The following TSPAN10 variants were observed in gnomAD, a reference collection of about 807,000 sequenced individuals.
TSPAN10 encodes the protein tetraspanin-10.
Under a neutral mutation model 15.0 loss-of-function variants are expected in TSPAN10, and 11 were observed. The ratio of observed to expected loss-of-function variants is 0.73; its 90% confidence interval spans 0.46 to 1.21. TSPAN10 has a LOEUF of 1.21. TSPAN10 is among the 50% of genes most tolerant of loss of function. The probability of loss-of-function intolerance (pLI) is 0.00; values close to 1 mark genes in which losing one functional copy is unlikely to be tolerated. For synonymous variants in TSPAN10, 241 were observed against 226.2 expected (o/e 1.07, Z -0.59); for missense variants, 486 against 470.6 (o/e 1.03, Z -0.30).
upstream of TSPAN10, among the ~76,000 whole-genome samples, chr17:81,640,063 G>T (rs986270672): frequency 6.6e-6 from 1 of 151,400 alleles, no homozygotes; most frequent in African/African-American, 2.4e-5. Context: ...GCTCACTGTA[G>T]CCTCGACTTC....
intron 2 of TSPAN10, chr17:81,646,039 G>A (rs1489210687): frequency 9.9e-6 from 3 of 303,394 alleles, no homozygotes; most frequent in South Asian, 3.2e-5. Flanking sequence ...TGTTCCCCCC[G>A]CCAGGGCCAG....
upstream of TSPAN10, among the ~76,000 whole-genome samples, chr17:81,639,528 T>C (rs969017110): frequency 2.6e-5 from 4 of 151,886 alleles, no homozygotes; most frequent in African/African-American, 9.7e-5. Context: ...CTAACAGTCC[T>C]GGAAGCTAGA....
intron 1 of TSPAN10, among the ~76,000 whole-genome samples, chr17:81,643,831 G>T (rs12940347): frequency 0.5 from 76,219 of 151,196 alleles, 21,073 homozygotes; most frequent in East Asian, 0.99. Context: ...TATTTATTTA[G>T]TTTTTGAGAT....
At chr17:81,640,765 G>C (rs981554552), upstream of TSPAN10, among the ~76,000 whole-genome samples, 13 of 152,068 alleles carry the variant, frequency 8.5e-5, no homozygotes, top group Admixed American at 8.5e-4. Flanking sequence ...GCCTTTAAAG[G>C]CCCTGTCTCC....
rs376845352 is a variant in TSPAN10, at chr17:81,645,648, G to A, written c.674+19G>A. ...AGAACCTGTGAGTCTTGGAGTGGGCGAGGGACAGGGCCACCACAGGGTCGC... is the reference window on the plus strand; with the variant it reads ...AGAACCTGTGAGTCTTGGAGTGGGCAAGGGACAGGGCCACCACAGGGTCGC... On this transcript the variant is annotated intron_variant, in intron 2 of 2. Transcript: ENST00000611590. 21 of 1,609,910 alleles carry A rather than the reference G, an allele frequency of 1.3e-5. No homozygotes were observed. The highest frequency in any genetic ancestry group is 5.0e-5 in the Admixed American group (3 of 59,806).
intron 2 of TSPAN10, chr17:81,646,364 G>A (rs188288614): frequency 1.0e-3 from 153 of 151,844 alleles, no homozygotes; most frequent in Non-Finnish European, 1.2e-3. Context: ...TTCCAGCATG[G>A]GCAACAGAGC....
At chr17:81,639,786 G>A (rs530545255), upstream of TSPAN10, among the ~76,000 whole-genome samples, 2 of 151,194 alleles carry the variant, frequency 1.3e-5, no homozygotes, top group East Asian at 4.0e-4. Flanking sequence ...AGACCATCCT[G>A]GCTAATATGG....
chr17:81,644,656 C>T (rs1467340221), intron 1 of TSPAN10, among the ~76,000 whole-genome samples: 1 of 152,224 alleles, frequency 6.6e-6, no homozygotes, highest in African/African-American at 2.4e-5. Context: ...CAGACACCCA[C>T]GCATAGGACC....
At chr17:81,639,832 T>C (rs571628620), upstream of TSPAN10, among the ~76,000 whole-genome samples, 12 of 151,822 alleles carry the variant, frequency 7.9e-5, no homozygotes, top group Admixed American at 5.2e-4. Context: ...AAAAAAAAAT[T>C]AGCCGGGCGT....
upstream of TSPAN10, among the ~76,000 whole-genome samples, chr17:81,640,488 C>T (rs2036168629): frequency 1.3e-5 from 2 of 151,726 alleles, no homozygotes; most frequent in South Asian, 4.2e-4. Context: ...CTTGCTCTGT[C>T]ACCAGGCTGG....
At chr17:81,648,122 T>A (rs2144388410) in exon 3 of TSPAN10, 1 of 1,554,502 alleles carries the variant, frequency 6.4e-7, no homozygotes, top group Non-Finnish European at 8.7e-7. Flanking sequence ...GGCTACGCAA[T>A]CGCGGTGGTG....
chr17:81,642,456 A>G lies in TSPAN10; in HGVS notation c.36+8A>G, dbSNP rs2144376515. On this transcript the variant is annotated splice_region_variant and intron_variant, in intron 1 of 2. Transcript: ENST00000611590. ...AGCCCCTTACTGTCCCAGGTGAGCC[A>G]TGCCAAGTGGCCTTGCCCTGAGGTT... 6.2e-7 allele frequency: 1 copy of G among 1,606,196 alleles called. No homozygotes were observed. The highest frequency in any genetic ancestry group is 8.5e-7 in the Non-Finnish European group (1 of 1,175,426).
chr17:81,645,590 G>A, exon 2 of TSPAN10: 1 of 1,612,686 alleles, frequency 6.2e-7, no homozygotes, highest in Non-Finnish European at 8.5e-7. Context: ...GGGCTGAGGT[G>A]CTGCGGAGCT....
exon 3 of TSPAN10, chr17:81,648,122 T>C: frequency 6.4e-7 from 1 of 1,554,502 alleles, no homozygotes; most frequent in Non-Finnish European, 8.7e-7. Flanking sequence ...GGCTACGCAA[T>C]CGCGGTGGTG....
chr17:81,647,550 C>T (rs1902489767), intron 2 of TSPAN10: 1 of 551,598 alleles, frequency 1.8e-6, no homozygotes, highest in East Asian at 4.2e-5. Context: ...CCTGCTCCAA[C>T]TCTACCTTCT....
chr17:81,642,626 G>A (rs568176119), intron 1 of TSPAN10, among the ~76,000 whole-genome samples, 178 bp downstream of exon 2: 1 of 152,282 alleles, frequency 6.6e-6, no homozygotes, highest in South Asian at 2.1e-4. Flanking sequence ...CTTCCCCACT[G>A]CGCAGTTCTC....
At chr17:81,644,442 G>C (rs2036215823) in intron 1 of TSPAN10, among the ~76,000 whole-genome samples, 1 of 152,228 alleles carries the variant, frequency 6.6e-6, no homozygotes, top group African/African-American at 2.4e-5. Flanking sequence ...ATGGGTGCTG[G>C]GATGTGAGGA....
At chr17:81,642,995 TTATA>T (rs71968441) in intron 1 of TSPAN10, among the ~76,000 whole-genome samples, 15,758 of 142,968 alleles carry the variant, frequency 0.11, 962 homozygotes, top group Middle Eastern at 0.2. Context: ...CTACAAAATA[TTATA>T]TATATATATA....
upstream of TSPAN10, among the ~76,000 whole-genome samples, chr17:81,642,132 C>G (rs921605643): frequency 6.6e-6 from 1 of 152,144 alleles, no homozygotes; most frequent in Non-Finnish European, 1.5e-5. Context: ...TGAGTCACAC[C>G]TGCGCTGAGC....
Sources: gnomAD v4.1 joint callset for allele counts (sites outside exome capture counted in the v4.1 genomes callset) on GRCh38, gnomAD v4.1.1 for gene constraint, MANE v1.5 for transcripts, NCBI Gene and HGNC (gene_info 2026-07-23, HGNC 2026-07-21) for gene names.